OPRD1: variants seen among roughly 807,000 people sequenced by gnomAD.
OPRD1 encodes opioid receptor delta 1.
A neutral mutation model predicts 17.5 loss-of-function variants in OPRD1; 19 were observed. That is an observed-to-expected ratio of 1.09 (90% CI 0.76 to 1.60). The LOEUF (loss-of-function observed/expected upper bound fraction) is 1.60, where lower values mean the gene tolerates loss of function less well. Ranked by LOEUF, OPRD1 falls within the 40% of genes most tolerant of loss-of-function variation. OPRD1 has a pLI of 0.00. For synonymous variants in OPRD1, 256 were observed against 240.9 expected, an observed-to-expected ratio of 1.06 and a Z score of -0.58; for missense variants, 483 against 547.2, an observed-to-expected ratio of 0.88 and a Z score of 1.17.
At position 28,830,505 on chromosome 1, in the gene OPRD1, C is replaced by G. The variant is rs542677993; in HGVS notation, c.227+17895C>G. Among the ~76,000 whole-genome samples, 7 of 152,208 alleles carry G rather than the reference C, an allele frequency of 4.6e-5. No homozygotes were observed. The South Asian group carries it at 6.2e-4, about 14-fold the overall frequency. On this transcript the variant is annotated intron_variant, in intron 1 of 2. Transcript: ENST00000234961. ...TGCCACTGTACTCCAGCCTGGGCAACAGAGTGAGGACCCAGTCAAAAATAA... is the reference window on the plus strand; with the variant it reads ...TGCCACTGTACTCCAGCCTGGGCAAGAGAGTGAGGACCCAGTCAAAAATAA...
intron 1 of OPRD1, among the ~76,000 whole-genome samples, chr1:28,834,436 A>C (rs2088833512): frequency 7.1e-6 from 1 of 140,578 alleles, no homozygotes; most frequent in South Asian, 2.2e-4. Flanking sequence ...GCTGGAATGT[A>C]GTAACTCGAT....
chr1:28,815,575 G>C lies in OPRD1; in HGVS notation c.227+2965G>C, dbSNP rs1307820787. Among the ~76,000 whole-genome samples the C allele has an allele frequency of 2.0e-5, 3 of 152,226 alleles. No individual in the cohort carries two copies. In the East Asian group the frequency reaches 5.8e-4, roughly 29 times the overall value. On this transcript the variant is annotated intron_variant, in intron 1 of 2. Coordinates refer to ENST00000234961, the MANE Select transcript of OPRD1 (RefSeq NM_000911.4). Reference sequence around the variant, plus strand: ...CAGTGAACGAGAGTCTGAGGGCAGGGCAGCTGCCTGGGTCTTGGCTTCTGC... The same window carrying C: ...CAGTGAACGAGAGTCTGAGGGCAGGCCAGCTGCCTGGGTCTTGGCTTCTGC...
rs1482878267 is a variant in OPRD1 at position 28,814,494 on chromosome 1, T to C, written c.227+1884T>C. On this transcript the variant is annotated intron_variant, in intron 1 of 2. Coordinates refer to ENST00000234961, the MANE Select transcript of OPRD1 (RefSeq NM_000911.4). ...GTCCTAAGGTGGGCCTGAGAGTAGC[T>C]GTGATTCTGAGAGCTCCGGATTCCT... Among the ~76,000 whole-genome samples, 4 of 152,192 alleles carry C rather than the reference T, an allele frequency of 2.6e-5. No individual in the cohort carries two copies. The East Asian group carries it at 5.8e-4, about 22-fold the overall frequency.
chr1:28,863,130 C>T lies in OPRD1; in HGVS notation c.966C>T (p.Asp322=), dbSNP rs151265362. The T allele has an allele frequency of 2.0e-4, 318 of 1,609,654 alleles. No individual in the cohort carries two copies. Among genetic ancestry groups the T allele is most frequent in the Middle Eastern group, 5.0e-4 (3 of 6,060 alleles). ...SLNPVLYAFL[D]ENFKRCFRQL... ...ACCCCGTGCTCTACGCTTTCCTCGA[C>T]GAGAACTTCAAGCGCTGCTTCCGCC... is the stretch of plus-strand genomic sequence containing the variant. Residue 322 remains aspartate (D), a synonymous_variant, in exon 3 of 3, where the codon GAC becomes GAT. Transcript: ENST00000234961.
intron 1 of OPRD1, among the ~76,000 whole-genome samples, chr1:28,838,308 C>T (rs1431687697): frequency 1.3e-5 from 2 of 152,180 alleles, no homozygotes; most frequent in Non-Finnish European, 2.9e-5. Flanking sequence ...CCCCTTTAGC[C>T]TCAGCCACCT....
intron 1 of OPRD1, among the ~76,000 whole-genome samples, chr1:28,842,239 C>A (rs922512134): frequency 6.6e-6 from 1 of 152,012 alleles, no homozygotes; most frequent in African/African-American, 2.4e-5. Flanking sequence ...CATATTGCCC[C>A]AGCTGGTCTC....
intron 1 of OPRD1, among the ~76,000 whole-genome samples, chr1:28,816,041 G>C (rs1434335776): frequency 6.6e-6 from 1 of 152,190 alleles, no homozygotes; most frequent in African/African-American, 2.4e-5. Flanking sequence ...GTGGCATAAT[G>C]TGTGATATCT....
At chr1:28,842,269 A>G (rs1050043173) in intron 1 of OPRD1, among the ~76,000 whole-genome samples, 3 of 152,158 alleles carry the variant, frequency 2.0e-5, no homozygotes, top group African/African-American at 7.2e-5. Context: ...AGCTCAAGCA[A>G]TTCACCTGCC....
chr1:28,840,598 A>T (rs1557573996), intron 1 of OPRD1, among the ~76,000 whole-genome samples: 1 of 152,102 alleles, frequency 6.6e-6, no homozygotes, highest in African/African-American at 2.4e-5. Context: ...AATAATAAAC[A>T]CTGTCTGCCC....
intron 1 of OPRD1, among the ~76,000 whole-genome samples, chr1:28,857,746 C>G (rs927664493): frequency 1.1e-4 from 17 of 152,168 alleles, no homozygotes; most frequent in East Asian, 1.9e-4. Flanking sequence ...CCTTGGCCCC[C>G]CAAAGTGCTG....
chr1:28,825,966 G>C (rs995616767), intron 1 of OPRD1, among the ~76,000 whole-genome samples: 4 of 152,218 alleles, frequency 2.6e-5, no homozygotes, highest in African/African-American at 9.6e-5. Context: ...TAGGTACTTG[G>C]GATGCAACAG....
intron 1 of OPRD1, among the ~76,000 whole-genome samples, chr1:28,841,341 C>T (rs868290533): frequency 6.6e-6 from 1 of 152,378 alleles, no homozygotes; most frequent in Middle Eastern, 3.4e-3. Context: ...AGCCCGGCCC[C>T]TTGCCATGGC....
At chr1:28,818,080 C>A (rs1025070203) in intron 1 of OPRD1, among the ~76,000 whole-genome samples, 2 of 152,134 alleles carry the variant, frequency 1.3e-5, no homozygotes, top group Non-Finnish European at 2.9e-5. Context: ...TCAAAGAGAT[C>A]GAGCATGGAA....
Position 28,866,731 on chromosome 1 carries a change from T to C in OPRD1, c.*3448T>C, listed in dbSNP as rs933014806. On this transcript the variant is annotated 3_prime_UTR_variant, in exon 3 of 3. Coordinates refer to ENST00000234961, the MANE Select transcript of OPRD1 (RefSeq NM_000911.4). ...GAGGTTTTGAAGACCTAAAACCAAA[T>C]GGAAAAATCTAAAGGAAACGAGCAA... The C allele has an allele frequency of 1.3e-5, 2 of 152,210 alleles. No homozygotes were observed. The highest frequency in any genetic ancestry group is 2.1e-4 in the South Asian group (1 of 4,826). The allele number at this position is 152,210 out of a possible 1,614,324, so 9.4% of individuals were successfully genotyped here.
chr1:28,820,730 A>G (rs1158584984), intron 1 of OPRD1, among the ~76,000 whole-genome samples: 1 of 151,894 alleles, frequency 6.6e-6, no homozygotes, highest in African/African-American at 2.4e-5. Flanking sequence ...GGGTGGAAGG[A>G]TGGCTTGAAC....
At position 28,848,222 on chromosome 1, in the gene OPRD1, C is replaced by G. The variant is rs1010533156; in HGVS notation, c.228-10732C>G. On this transcript the variant is annotated intron_variant, in intron 1 of 2. Transcript: ENST00000234961. Reference sequence around the variant, plus strand: ...CGAGATCGTGCCACTGCACTCTAGCCTGGACAGAGCAAGACTCCGTCTAAA... The same window carrying G: ...CGAGATCGTGCCACTGCACTCTAGCGTGGACAGAGCAAGACTCCGTCTAAA... Among the ~76,000 whole-genome samples the G allele has an allele frequency of 2.0e-5, 3 of 150,240 alleles. No individual in the cohort carries two copies. The East Asian group carries it at 6.1e-4, about 31-fold the overall frequency.
intron 2 of OPRD1, among the ~76,000 whole-genome samples, chr1:28,860,346 C>T (rs1020930738): frequency 5.5e-5 from 8 of 144,292 alleles, no homozygotes; most frequent in African/African-American, 2.0e-4. Context: ...GCTTGGGCGA[C>T]AGAATGGGAC....
At chr1:28,838,978 C>T (rs973187427) in intron 1 of OPRD1, among the ~76,000 whole-genome samples, 4 of 152,092 alleles carry the variant, frequency 2.6e-5, no homozygotes, top group Non-Finnish European at 5.9e-5. Flanking sequence ...CAGGCACCAT[C>T]GTGGCACACT....
At chr1:28,840,959 T>G (rs554670357) in intron 1 of OPRD1, among the ~76,000 whole-genome samples, 1 of 152,154 alleles carries the variant, frequency 6.6e-6, no homozygotes, top group East Asian at 1.9e-4. Flanking sequence ...TAAAGTAAAA[T>G]GCTTATCCCA....
Sources: gnomAD v4.1 joint callset for allele counts (sites outside exome capture counted in the v4.1 genomes callset) on GRCh38, gnomAD v4.1.1 for gene constraint, MANE v1.5 for transcripts, NCBI Gene and HGNC (gene_info 2026-07-23, HGNC 2026-07-21) for gene names.